ACER1: variants seen among roughly 807,000 people sequenced by gnomAD.
The protein encoded by ACER1 is CTB-180A7.3.
In ACER1, 28 loss-of-function variants were observed where a neutral mutation model predicts 24.9. The observed-to-expected ratio is 1.13, with a 90% confidence interval of 0.83 to 1.54. The LOEUF (loss-of-function observed/expected upper bound fraction) is 1.54, where lower values mean the gene tolerates loss of function less well. Ranked by LOEUF, ACER1 falls within the 40% of genes most tolerant of loss-of-function variation. ACER1 has a pLI of 0.00. For synonymous variants in ACER1, 132 were observed against 131.4 expected (o/e 1.00, Z -0.03); for missense variants, 352 against 349.3 (o/e 1.01, Z -0.06).
intron 1 of ACER1, among the ~76,000 whole-genome samples, 167 bp from the exon 2 acceptor site, chr19:6,312,666 C>T (rs994524208): frequency 1.4e-5 from 2 of 147,840 alleles, no homozygotes; most frequent in African/African-American, 5.0e-5. Flanking sequence ...TTCAGCCGAC[C>T]CTTTTTTTTT....
chr19:6,349,522 A>AAAGG, the ACER1 span, among the ~76,000 whole-genome samples: 5 of 146,824 alleles, frequency 3.4e-5, no homozygotes, highest in African/African-American at 1.0e-4. Flanking sequence ...GGAAGGAAGG[A>AAAGG]AAGGAAGGGA....
intron 1 of ACER1, among the ~76,000 whole-genome samples, chr19:6,330,203 T>C (rs1422380901): frequency 1.4e-5 from 2 of 143,958 alleles, no homozygotes; most frequent in Non-Finnish European, 3.0e-5. Context: ...AGTCTTGCTC[T>C]GTCACCCAGG....
the ACER1 span, among the ~76,000 whole-genome samples, chr19:6,353,940 G>C: frequency 6.6e-6 from 1 of 151,970 alleles, no homozygotes; most frequent in African/African-American, 2.4e-5. Context: ...TCAGCACTTT[G>C]GGAGGCCGAG....
the ACER1 span, among the ~76,000 whole-genome samples, chr19:6,356,838 T>C: frequency 5.3e-5 from 8 of 152,136 alleles, no homozygotes; most frequent in Admixed American, 1.3e-4. Flanking sequence ...AGTATGAGGC[T>C]GCAGTGAGCT....
intron 1 of ACER1, among the ~76,000 whole-genome samples, chr19:6,317,222 C>A (rs942072523): frequency 2.6e-5 from 4 of 152,176 alleles, no homozygotes; most frequent in African/African-American, 9.6e-5. Context: ...GATCTACCCA[C>A]CTTGGCCTCC....
At chr19:6,356,115 T>C in the ACER1 span, among the ~76,000 whole-genome samples, 2 of 151,334 alleles carry the variant, frequency 1.3e-5, no homozygotes, top group South Asian at 4.2e-4. Context: ...CTTTTCATTT[T>C]GTTCTGTACT....
intron 1 of ACER1, among the ~76,000 whole-genome samples, chr19:6,324,066 A>C (rs2091646368): frequency 6.6e-6 from 1 of 151,928 alleles, no homozygotes; most frequent in Non-Finnish European, 1.5e-5. Context: ...ATTTTTTGAG[A>C]CCAAGTCTCG....
chr19:6,343,772 T>A, the ACER1 span: 1 of 152,388 alleles, frequency 6.6e-6, no homozygotes, highest in African/African-American at 2.4e-5. Context: ...CACTTCCTGG[T>A]ATCCACTTTA....
intron 1 of ACER1, among the ~76,000 whole-genome samples, chr19:6,324,873 A>G (rs111569273): frequency 0.034 from 2,962 of 87,358 alleles, 57 homozygotes; most frequent in African/African-American, 0.14. Flanking sequence ...GGAAGGAAGG[A>G]AGGAAGGAAG....
intron 3 of ACER1, 124 bp from the exon 4 acceptor site, chr19:6,309,958 G>T (rs1210243979): frequency 7.2e-6 from 9 of 1,251,394 alleles, no homozygotes; most frequent in Non-Finnish European, 7.8e-6. Flanking sequence ...GCCCAGATAG[G>T]CTCAGAAAAG....
chr19:6,344,740 G>A, the ACER1 span, among the ~76,000 whole-genome samples: 1 of 151,624 alleles, frequency 6.6e-6, no homozygotes, highest in Non-Finnish European at 1.5e-5. Context: ...ATACAAGGGG[G>A]CACAATTGTT....
At chr19:6,323,763 G>A (rs1175729570) in intron 1 of ACER1, among the ~76,000 whole-genome samples, 61 of 152,142 alleles carry the variant, frequency 4.0e-4, no homozygotes, top group Admixed American at 4.0e-3. Context: ...TTTTTGCTGT[G>A]GATATTGATA....
chr19:6,330,307 A>G (rs907568569), intron 1 of ACER1, among the ~76,000 whole-genome samples: 1 of 150,132 alleles, frequency 6.7e-6, no homozygotes, highest in Admixed American at 6.6e-5. Context: ...AGCAGGGATT[A>G]TAGGCATGCG....
At chr19:6,344,831 ATTTAT>A in the ACER1 span, among the ~76,000 whole-genome samples, 33,685 of 150,446 alleles carry the variant, frequency 0.22, 5,562 homozygotes, top group African/African-American at 0.46. Context: ...ACAACAATCA[ATTTAT>A]TTTATTTTAT....
intron 3 of ACER1, among the ~76,000 whole-genome samples, chr19:6,311,930 G>C (rs919902708): frequency 8.5e-5 from 13 of 152,130 alleles, no homozygotes; most frequent in African/African-American, 3.1e-4. Flanking sequence ...GTAGGATCAA[G>C]GGAGGGATTC....
At chr19:6,307,403 G>A in intron 4 of ACER1, 113 bp from the exon 5 acceptor site, 1 of 1,282,260 alleles carries the variant, frequency 7.8e-7, no homozygotes, top group Non-Finnish European at 1.1e-6. Flanking sequence ...AGAAGGGAAA[G>A]AGCAGGAATT....
the ACER1 span, among the ~76,000 whole-genome samples, chr19:6,339,305 T>C: frequency 6.6e-6 from 1 of 152,208 alleles, no homozygotes; most frequent in South Asian, 2.1e-4. Flanking sequence ...GAAATTCTGA[T>C]ACAGGCAACA....
chr19:6,352,055 CAAA>C, the ACER1 span, among the ~76,000 whole-genome samples: 27,351 of 109,368 alleles, frequency 0.25, 3,617 homozygotes, highest in East Asian at 0.45. Flanking sequence ...GACTCCATCT[CAAA>C]AAAAAAAAAA....
chr19:6,321,375 A>G (rs1230299866), intron 1 of ACER1, among the ~76,000 whole-genome samples: 1 of 152,154 alleles, frequency 6.6e-6, no homozygotes, highest in East Asian at 1.9e-4. Context: ...TCCTGGCCTC[A>G]ACTGATCCAC....
Sources: allele counts gnomAD v4.1 joint callset (sites outside exome capture counted in the v4.1 genomes callset), GRCh38; gene constraint gnomAD v4.1.1; transcripts MANE v1.5; gene names NCBI Gene and HGNC (gene_info 2026-07-23, HGNC 2026-07-21).